Variants in USP13 observed in about 807,000 individuals in gnomAD.
USP13 encodes ubiquitin carboxyl-terminal hydrolase 13.
USP13 carries 68 observed loss-of-function variants against 107.8 expected under a neutral mutation model. The observed-to-expected ratio is 0.63, with a 90% CI of 0.52 to 0.77. The LOEUF (loss-of-function observed/expected upper bound fraction) is 0.77. Among genes scored for constraint, USP13 ranks in the 30% least tolerant of loss-of-function variants. USP13 has a pLI of 0.00. For missense variants in USP13, 945 were observed against 1,093.3 expected, an observed-to-expected ratio of 0.86 and a Z score of 1.91; for synonymous variants, 377 against 389.5, an observed-to-expected ratio of 0.97 and a Z score of 0.38.
At chr3:179,699,136 G>A (rs1390900491) in intron 3 of USP13, among the ~76,000 whole-genome samples, 2 of 152,050 alleles carry the variant, frequency 1.3e-5, no homozygotes, top group African/African-American at 4.8e-5. Flanking sequence ...CAAAGTACTG[G>A]ATTATAGGTG....
At chr3:179,726,832 T>G (rs1249879251) in intron 8 of USP13, among the ~76,000 whole-genome samples, 1 of 152,102 alleles carries the variant, frequency 6.6e-6, no homozygotes, top group Non-Finnish European at 1.5e-5. Context: ...TATGTACCAC[T>G]GCACCCAGCT....
At position 179,719,966 on chromosome 3, in the gene USP13, C is replaced by T. The variant is rs1713249639; in HGVS notation, c.832C>T (p.Pro278Ser). ...ADVYSFQEEE[P>S]VLDPHLAKHL... is the part of the protein sequence containing the mutation. ...TGTTTATTCTTTTCAAGAAGAAGAA[C>T]CTGTTTTGGATCCTCATTTGGCCAA... The change falls in exon 7 of 21, where the codon CCT becomes TCT. Residue 278 changes from proline (P) to serine (S), a missense_variant. Coordinates refer to ENST00000263966, the MANE Select transcript of USP13 (RefSeq NM_003940.3). 6.2e-7 allele frequency: 1 copy of T among 1,613,758 alleles called. No homozygotes were observed. Among genetic ancestry groups the T allele is most frequent in the Admixed American group, 1.7e-5 (1 of 59,950 alleles).
At chr3:179,709,178 T>C (rs1712835031) in intron 6 of USP13, among the ~76,000 whole-genome samples, 1 of 152,222 alleles carries the variant, frequency 6.6e-6, no homozygotes, top group African/African-American at 2.4e-5. Flanking sequence ...GATACCTCTT[T>C]CCTGTGTTTG....
rs182022465 is a variant in USP13, at chr3:179,700,611, T to A, written c.356-397T>A. On this transcript the variant is annotated intron_variant, in intron 3 of 20. Transcript: ENST00000263966. ...AAAACCCCAAGAAACCAAACAACCA[T>A]TCCAGCCTATTGTTGTGAAATCAGG... 1.9e-3 allele frequency among the ~76,000 whole-genome samples: 285 copies of A among 152,206 alleles called. 3 individuals carry two copies. Among genetic ancestry groups the A allele is most frequent in the African/African-American group, 6.6e-3 (273 of 41,556 alleles).
At chr3:179,736,418 G>A (rs534557476) in intron 10 of USP13, among the ~76,000 whole-genome samples, 3 of 152,258 alleles carry the variant, frequency 2.0e-5, no homozygotes, top group African/African-American at 7.2e-5. Context: ...CAGAGAGTAG[G>A]CATGGGGATG....
chr3:179,694,123 G>T (rs55885653), intron 3 of USP13, among the ~76,000 whole-genome samples: 26,422 of 151,500 alleles, frequency 0.17, 2,349 homozygotes, highest in East Asian at 0.23. Context: ...ACAGGCATGC[G>T]CCACCATGCC....
At chr3:179,660,145 A>G (rs995611266) in intron 1 of USP13, among the ~76,000 whole-genome samples, 1 of 152,202 alleles carries the variant, frequency 6.6e-6, no homozygotes, top group Non-Finnish European at 1.5e-5. Flanking sequence ...TAATTGTACA[A>G]TTCAGTGGCA....
At chr3:179,749,247 T>C (rs950610252) in intron 13 of USP13, among the ~76,000 whole-genome samples, 2 of 152,232 alleles carry the variant, frequency 1.3e-5, no homozygotes, top group African/African-American at 4.8e-5. Context: ...TAAATAATGC[T>C]AACAGGTTGT....
chr3:179,739,354 G>A (rs1406463705), intron 10 of USP13, among the ~76,000 whole-genome samples: 1 of 152,216 alleles, frequency 6.6e-6, no homozygotes, highest in Non-Finnish European at 1.5e-5. Flanking sequence ...CCCTCTACAA[G>A]CTCCTGGAAC....
chr3:179,764,944 A>T (rs999871544), intron 18 of USP13, among the ~76,000 whole-genome samples: 15 of 152,136 alleles, frequency 9.9e-5, no homozygotes, highest in African/African-American at 3.6e-4. Context: ...TCCCTTTAAG[A>T]TGATTAAAAT....
intron 12 of USP13, 77 bp from the exon 13 acceptor site, chr3:179,744,966 G>A (rs1474368692): frequency 6.4e-7 from 1 of 1,566,982 alleles, no homozygotes; most frequent in Non-Finnish European, 8.7e-7. Context: ...CTTCAGGGAA[G>A]ACTGTCCAAA....
chr3:179,774,597 G>A (rs1715453020), intron 19 of USP13, among the ~76,000 whole-genome samples: 2 of 151,726 alleles, frequency 1.3e-5, no homozygotes, highest in South Asian at 4.1e-4. Context: ...GAGTGAAGCT[G>A]CAGACCTTTG....
intron 8 of USP13, among the ~76,000 whole-genome samples, chr3:179,723,091 A>G (rs1040832182): frequency 2.0e-5 from 3 of 152,200 alleles, no homozygotes; most frequent in African/African-American, 4.8e-5. Context: ...GCGGAAGAGG[A>G]CATATATGTG....
chr3:179,671,919 A>T (rs779577384), intron 1 of USP13, among the ~76,000 whole-genome samples: 2 of 152,154 alleles, frequency 1.3e-5, no homozygotes, highest in African/African-American at 4.8e-5. Flanking sequence ...CTTTGCAGCA[A>T]TGACCGCTTG....
intron 6 of USP13, among the ~76,000 whole-genome samples, chr3:179,718,739 C>T (rs970274175): frequency 1.3e-5 from 2 of 151,796 alleles, no homozygotes; most frequent in African/African-American, 2.4e-5. Context: ...CGGCCTGAGG[C>T]GGGGCTCAAG....
At chr3:179,692,843 T>G (rs943692521) in intron 3 of USP13, among the ~76,000 whole-genome samples, 15 of 152,180 alleles carry the variant, frequency 9.9e-5, no homozygotes, top group African/African-American at 3.6e-4. Flanking sequence ...TTTTAGAAAT[T>G]AATTTGAAAG....
intron 19 of USP13, among the ~76,000 whole-genome samples, chr3:179,779,262 G>A (rs1347868871): frequency 1.3e-5 from 2 of 151,800 alleles, no homozygotes; most frequent in East Asian, 1.9e-4. Context: ...GGCCTGGCGC[G>A]GTGGCTCATG....
chr3:179,770,957 AAAAC>A (rs1290705570), intron 19 of USP13, among the ~76,000 whole-genome samples: 2 of 152,224 alleles, frequency 1.3e-5, no homozygotes, highest in Admixed American at 6.5e-5. Flanking sequence ...TTGAGGAACC[AAAAC>A]AAACAAAATA....
chr3:179,660,236 A>G (rs528113877), intron 1 of USP13, among the ~76,000 whole-genome samples: 38 of 152,294 alleles, frequency 2.5e-4, no homozygotes, highest in African/African-American at 8.9e-4. Context: ...CCAGTTTTTC[A>G]TCCTTCCAAA....
Sources: gnomAD v4.1 joint callset for allele counts (sites outside exome capture counted in the v4.1 genomes callset) on GRCh38, gnomAD v4.1.1 for gene constraint, MANE v1.5 for transcripts, NCBI Gene and HGNC (gene_info 2026-07-23, HGNC 2026-07-21) for gene names.